TFDP2: variants seen among roughly 807,000 people sequenced by gnomAD.
TFDP2 encodes the protein transcription factor Dp-2 (E2F dimerization partner 2).
Under a neutral mutation model 59.3 loss-of-function variants are expected in TFDP2, and 17 were observed. The observed-to-expected ratio is 0.29, with a 90% CI of 0.20 to 0.43. The LOEUF (loss-of-function observed/expected upper bound fraction) is 0.43, where lower values mean the gene tolerates loss of function less well. Among genes scored for constraint, TFDP2 ranks in the 20% least tolerant of loss-of-function variants. TFDP2 has a pLI of 1.00. For synonymous variants in TFDP2, 180 were observed against 194.7 expected (o/e 0.92, Z 0.63); for missense variants, 391 against 528.8 (o/e 0.74, Z 2.56).
intron 3 of TFDP2, among the ~76,000 whole-genome samples, chr3:142,046,199 T>A (rs1198086073): frequency 6.6e-6 from 1 of 152,196 alleles, no homozygotes; most frequent in African/African-American, 2.4e-5. Flanking sequence ...TGATTGGCAA[T>A]CTAATCCTAC....
At chr3:142,037,097 G>A (rs1338077836) in intron 3 of TFDP2, among the ~76,000 whole-genome samples, 1 of 152,110 alleles carries the variant, frequency 6.6e-6, no homozygotes, top group Non-Finnish European at 1.5e-5. Flanking sequence ...TGTGTTATAA[G>A]AATAACTTTG....
chr3:142,014,385 A>C (rs1263659328), intron 3 of TFDP2, among the ~76,000 whole-genome samples: 8 of 151,988 alleles, frequency 5.3e-5, no homozygotes, highest in Non-Finnish European at 8.8e-5. Flanking sequence ...CTTGAGCTCA[A>C]GCGATCCTCC....
intron 6 of TFDP2, among the ~76,000 whole-genome samples, chr3:141,986,067 G>A (rs1467926133): frequency 3.9e-5 from 6 of 152,200 alleles, no homozygotes; most frequent in African/African-American, 1.2e-4. Flanking sequence ...GCTAAACAAA[G>A]AGTAACTGTA....
intron 3 of TFDP2, among the ~76,000 whole-genome samples, chr3:142,064,757 CA>C (rs2060022955): frequency 6.6e-6 from 1 of 152,092 alleles, no homozygotes; most frequent in African/African-American, 2.4e-5. Context: ...TAAGAGTTTC[CA>C]ATACGCAATC....
At chr3:142,037,817 T>C (rs562838290) in intron 3 of TFDP2, among the ~76,000 whole-genome samples, 1 of 152,208 alleles carries the variant, frequency 6.6e-6, no homozygotes, top group African/African-American at 2.4e-5. Context: ...ATTCTTTAAA[T>C]ACTCTCATGA....
intron 3 of TFDP2, among the ~76,000 whole-genome samples, chr3:142,068,306 T>C (rs192110177): frequency 6.6e-6 from 1 of 152,154 alleles, no homozygotes; most frequent in Non-Finnish European, 1.5e-5. Context: ...AAACATAAAA[T>C]ACAAAACTAT....
intron 1 of TFDP2, among the ~76,000 whole-genome samples, chr3:142,111,405 C>T (rs2108672727): frequency 6.9e-6 from 1 of 145,890 alleles, no homozygotes; most frequent in African/African-American, 2.5e-5. Flanking sequence ...TCCGGCCTGG[C>T]CGACAGAGTT....
intron 3 of TFDP2, among the ~76,000 whole-genome samples, chr3:142,028,203 T>C (rs1468199166): frequency 1.3e-5 from 2 of 152,178 alleles, no homozygotes; most frequent in African/African-American, 4.8e-5. Flanking sequence ...TTTTATTAAC[T>C]ACTGGGGAAA....
At chr3:142,043,251 G>T (rs1160491624) in intron 3 of TFDP2, among the ~76,000 whole-genome samples, 1 of 147,082 alleles carries the variant, frequency 6.8e-6, no homozygotes, top group Admixed American at 6.9e-5. Flanking sequence ...GTTTCACTGT[G>T]TTAGCCAGGA....
chr3:142,092,110 A>G (rs1457606348), intron 3 of TFDP2, among the ~76,000 whole-genome samples: 2 of 152,212 alleles, frequency 1.3e-5, no homozygotes, highest in African/African-American at 4.8e-5. Context: ...CCTAACTTAA[A>G]CAAATAATCA....
intron 7 of TFDP2, 84 bp downstream of exon 7, chr3:141,978,436 G>A (rs150344000): frequency 3.0e-5 from 40 of 1,355,038 alleles, no homozygotes; most frequent in Middle Eastern, 1.9e-4. Context: ...AAGTATAGTC[G>A]TGATTCCTCA....
chr3:141,967,063 T>C (rs1419273362), intron 9 of TFDP2, among the ~76,000 whole-genome samples: 30 of 151,736 alleles, frequency 2.0e-4, no homozygotes, highest in Admixed American at 1.8e-3. Context: ...ATTTCAGGTG[T>C]GCACCACCAT....
intron 3 of TFDP2, among the ~76,000 whole-genome samples, chr3:142,029,811 G>A (rs4683418): frequency 0.07 from 10,587 of 152,224 alleles, 470 homozygotes; most frequent in Non-Finnish European, 0.11. Flanking sequence ...TATGAGCCGA[G>A]CACTATTTTG....
rs11569245 is a variant in TFDP2, at chr3:141,970,829, A to AG, written c.664-689dup. 1.7e-3 allele frequency among the ~76,000 whole-genome samples: 262 copies of AG among 152,208 alleles called. 2 individuals are homozygous for AG. The highest frequency in any genetic ancestry group is 6.0e-3 in the African/African-American group (249 of 41,526). On this transcript the variant is annotated intron_variant, in intron 8 of 12. Coordinates refer to ENST00000489671, the MANE Select transcript of TFDP2 (RefSeq NM_001178139.2). Reference sequence around the variant, plus strand: ...GTAATCCCAACACTTTGGGAGGCCGAGGGGGGAGAATCACTTGAGATCAGG... The same window carrying AG: ...GTAATCCCAACACTTTGGGAGGCCGAGGGGGGGAGAATCACTTGAGATCAGG...
intron 3 of TFDP2, among the ~76,000 whole-genome samples, chr3:142,013,251 G>A (rs192804521): frequency 2.5e-4 from 38 of 152,266 alleles, no homozygotes; most frequent in African/African-American, 8.4e-4. Context: ...ATTCTTATAA[G>A]TAGTAAAAAT....
chr3:142,047,461 T>C lies in TFDP2; in HGVS notation c.83-41917A>G, dbSNP rs186250651. 1.5e-3 allele frequency among the ~76,000 whole-genome samples: 227 copies of C among 152,258 alleles called. 5 individuals are homozygous for C. The highest frequency in any genetic ancestry group is 0.015 in the Admixed American group (225 of 15,296). On this transcript the variant is annotated intron_variant, in intron 3 of 12. Transcript: ENST00000489671. The stretch of plus-strand genomic sequence containing the variant: ...CACTGGTTCTGTAAACCAGTGAGAA[T>C]TCCTAGCAAACAACTTTGTACAGTC...
chr3:142,141,453 A>G (rs1233199372), intron 1 of TFDP2, among the ~76,000 whole-genome samples: 25 of 152,228 alleles, frequency 1.6e-4, no homozygotes, highest in African/African-American at 2.4e-5. Context: ...TTCTGCATCA[A>G]TCACGCTGGG....
chr3:142,131,993 G>T lies in TFDP2; in HGVS notation c.-93+17190C>A, dbSNP rs1189540794. On this transcript the variant is annotated intron_variant, in intron 1 of 12. Coordinates refer to ENST00000489671, the MANE Select transcript of TFDP2 (RefSeq NM_001178139.2). ...TGCACTCGTCTGGGCAATGGAGCAA[G>T]ACTCCGTCTCAAAAAAAAAAAAAAA... is the stretch of plus-strand genomic sequence containing the variant. Among the ~76,000 whole-genome samples the T allele has an allele frequency of 6.3e-4, 71 of 112,970 alleles. 4 individuals carry two copies. The highest frequency in any genetic ancestry group is 2.5e-3 in the African/African-American group (65 of 25,570). 74.1% of individuals were successfully genotyped at this position (112,970 alleles called of 152,430 possible). A position where few individuals can be genotyped will look rare whatever the true frequency, so the allele number is the denominator to read the frequency against.
chr3:142,056,649 C>A (rs1320317712), intron 3 of TFDP2, among the ~76,000 whole-genome samples: 2 of 152,140 alleles, frequency 1.3e-5, no homozygotes, highest in African/African-American at 4.8e-5. Context: ...AAGACAAAAA[C>A]CAAACTACTC....
Sources: allele counts gnomAD v4.1 joint callset (sites outside exome capture counted in the v4.1 genomes callset), GRCh38; gene constraint gnomAD v4.1.1; transcripts MANE v1.5; gene names NCBI Gene and HGNC (gene_info 2026-07-23, HGNC 2026-07-21).